DPYD: variants seen among roughly 807,000 people sequenced by gnomAD.
The protein encoded by DPYD is dihydropyrimidine dehydrogenase.
A neutral mutation model predicts 116.2 loss-of-function variants in DPYD; 109 were observed. The ratio of observed to expected loss-of-function variants is 0.94; its 90% CI spans 0.80 to 1.10. The LOEUF is 1.10. DPYD is among the 50% of genes least tolerant of loss of function. DPYD has a pLI of 0.00. For missense variants in DPYD, 1,302 were observed against 1,254.5 expected, an observed-to-expected ratio of 1.04 and a Z score of -0.57; for synonymous variants, 440 against 432.0, an observed-to-expected ratio of 1.02 and a Z score of -0.23.
At position 97,714,963 on chromosome 1, in the gene DPYD, G is replaced by T. The variant is rs185735541; in HGVS notation, c.483+6547C>A. 3.9e-5 allele frequency among the ~76,000 whole-genome samples: 6 copies of T among 152,220 alleles called. No homozygotes were observed. In the East Asian group the frequency reaches 1.2e-3, roughly 29 times the overall value. ...GCCTCTCACTACATGTGAGGTTGTG[G>T]AAGTTAATTAATTTCCTGGAGTTTC... is the stretch of plus-strand genomic sequence containing the variant. On this transcript the variant is annotated intron_variant, in intron 5 of 22. Transcript: ENST00000370192.
chr1:97,215,308 TG>T (rs1660304222), intron 19 of DPYD, among the ~76,000 whole-genome samples: 1 of 152,190 alleles, frequency 6.6e-6, no homozygotes, highest in Non-Finnish European at 1.5e-5. Flanking sequence ...CATTTTCATT[TG>T]GGTTGAAGCA....
chr1:97,382,487 T>C lies in DPYD; in HGVS notation c.1906-26A>G, dbSNP rs1028870955. The C allele has an allele frequency of 4.2e-6, 6 of 1,428,456 alleles. No individual in the cohort carries two copies. The Admixed American group carries it at 5.4e-5, about 13-fold the overall frequency. The allele number at this position is 1,428,456 out of a possible 1,614,324, so 88.5% of individuals were successfully genotyped here. A position where few individuals can be genotyped will look rare whatever the true frequency, so the allele number is the denominator to read the frequency against. ...CTTTAAAAAGAAAAACAAAAGAATA[T>C]AAGTTCAAGTAGTTATCCAGTTGTA... On this transcript the variant is annotated intron_variant, in intron 14 of 22. Transcript: ENST00000370192.
chr1:97,267,721 C>T (rs78757373), intron 18 of DPYD, among the ~76,000 whole-genome samples: 11,547 of 152,062 alleles, frequency 0.076, 999 homozygotes, highest in African/African-American at 0.21. Context: ...TCACCTCACA[C>T]CTCTTATTGC....
chr1:97,750,793 G>A (rs929216640), intron 3 of DPYD, among the ~76,000 whole-genome samples: 13 of 152,172 alleles, frequency 8.5e-5, no homozygotes, highest in African/African-American at 2.9e-4. Flanking sequence ...GATTGAAAGT[G>A]TAGTATTTGT....
At chr1:97,535,048 A>C (rs1199888033) in intron 12 of DPYD, among the ~76,000 whole-genome samples, 2 of 152,098 alleles carry the variant, frequency 1.3e-5, no homozygotes, top group African/African-American at 4.8e-5. Context: ...CAGAGACATA[A>C]GTGAGAAAAC....
chr1:97,165,637 C>A (rs1324034934), intron 20 of DPYD, among the ~76,000 whole-genome samples: 2 of 152,050 alleles, frequency 1.3e-5, no homozygotes, highest in Non-Finnish European at 2.9e-5. Flanking sequence ...AAACAGAAAA[C>A]CTACAGAATG....
At chr1:97,309,366 A>G (rs957581811) in intron 16 of DPYD, among the ~76,000 whole-genome samples, 1 of 115,074 alleles carries the variant, frequency 8.7e-6, no homozygotes, top group Non-Finnish European at 1.9e-5. Context: ...TGTGTGTGTG[A>G]GCATGTTCTT....
Position 97,593,245 on chromosome 1 carries a change from A to G in DPYD, c.1101T>C (p.Phe367=). ...CCTCAGGGACAGCTCTTATATTAAC[A>G]AAGCCTTTTCTGAAGACGATGAACA... ...RRVFIVFRKG[F]VNIRAVPEEM... The change falls in exon 10 of 23, where the codon TTT becomes TTC. Residue 367 remains phenylalanine (F), a synonymous_variant. Transcript: ENST00000370192. The G allele has an allele frequency of 6.2e-7, 1 of 1,614,136 alleles. No homozygotes were observed. The highest frequency in any genetic ancestry group is 8.5e-7 in the Non-Finnish European group (1 of 1,180,028).
intron 20 of DPYD, among the ~76,000 whole-genome samples, chr1:97,118,734 T>C (rs1200615794): frequency 6.6e-6 from 1 of 152,204 alleles, no homozygotes; most frequent in African/African-American, 2.4e-5. Context: ...CCTTTTACTG[T>C]CGACTCAGAA....
At chr1:97,403,143 G>A (rs1458323353) in intron 14 of DPYD, among the ~76,000 whole-genome samples, 1 of 152,016 alleles carries the variant, frequency 6.6e-6, no homozygotes, top group Non-Finnish European at 1.5e-5. Flanking sequence ...AAAGTACAGA[G>A]GCTCCTTGAC....
intron 21 of DPYD, among the ~76,000 whole-genome samples, chr1:97,084,936 A>G (rs1169236172): frequency 6.6e-6 from 1 of 152,208 alleles, no homozygotes; most frequent in Non-Finnish European, 1.5e-5. Context: ...TATAAATTTT[A>G]TATATCTATA....
chr1:97,695,976 A>G (rs930345417), intron 6 of DPYD, among the ~76,000 whole-genome samples: 3 of 151,878 alleles, frequency 2.0e-5, no homozygotes, highest in Non-Finnish European at 4.4e-5. Flanking sequence ...TTAAAAATAC[A>G]AAAATTAGCC....
chr1:97,388,804 A>G (rs149488143), intron 14 of DPYD, among the ~76,000 whole-genome samples: 7 of 152,168 alleles, frequency 4.6e-5, no homozygotes, highest in African/African-American at 1.7e-4. Context: ...TTCTTAATGG[A>G]CTATATTTGA....
chr1:97,321,831 A>G (rs1191301235), intron 16 of DPYD, among the ~76,000 whole-genome samples: 5 of 49,560 alleles, frequency 1.0e-4, no homozygotes, highest in African/African-American at 3.0e-4. Flanking sequence ...CTTGGAACCA[A>G]CCCAAATGTC....
In DPYD at chr1:97,706,054, AT is replaced by A. The variant is rs1052434578; in HGVS notation, c.484-6508del. On this transcript the variant is annotated intron_variant, in intron 5 of 22. Transcript: ENST00000370192. ...CTAAAAAATTCACTATATTTCTCTA[AT>A]TTTTCAATAAGAAATGTATAACTGA... Among the ~76,000 whole-genome samples, 19 of 151,862 alleles carry A rather than the reference AT, an allele frequency of 1.3e-4. No homozygotes were observed. In the East Asian group the frequency reaches 3.7e-3, roughly 30 times the overall value.
At position 97,573,907 on chromosome 1, in the gene DPYD, CTA is replaced by C; in HGVS notation, c.1190_1191del (p.Ile397SerfsTer18). On this transcript the variant is annotated frameshift_variant, in exon 11 of 23. Coordinates refer to ENST00000370192, the MANE Select transcript of DPYD (RefSeq NM_000110.4). LOFTEE classifies it high-confidence loss of function. ...FLPFLSPRKV[I>X]VKGGRIVAMQ... ...ATAGCAACAATTCTCCCACCTTTTACTATAACCTTCCGTGGGGACAGGAATGG... is the reference window on the plus strand; with the variant it reads ...ATAGCAACAATTCTCCCACCTTTTACTAACCTTCCGTGGGGACAGGAATGG... The C allele has an allele frequency of 6.2e-7, 1 of 1,613,722 alleles. No individual in the cohort carries two copies. The highest frequency in any genetic ancestry group is 1.1e-5 in the South Asian group (1 of 91,080).
chr1:97,863,197 G>C (rs1263740937), intron 2 of DPYD, among the ~76,000 whole-genome samples: 1 of 151,828 alleles, frequency 6.6e-6, no homozygotes, highest in Non-Finnish European at 1.5e-5. Flanking sequence ...CACAGATTCA[G>C]AGGTTACCCT....
At chr1:97,282,891 T>C (rs1054385846) in intron 18 of DPYD, among the ~76,000 whole-genome samples, 3 of 152,156 alleles carry the variant, frequency 2.0e-5, no homozygotes, top group African/African-American at 7.2e-5. Context: ...GCAAAGGCCA[T>C]GATTTCACTT....
chr1:97,514,202 T>C, intron 13 of DPYD: 6 of 985,000 alleles, frequency 6.1e-6, no homozygotes, highest in Non-Finnish European at 7.2e-6. Context: ...GTGATCCTAA[T>C]AAAGGCAAGT....
Sources: gnomAD v4.1 joint callset for allele counts (sites outside exome capture counted in the v4.1 genomes callset) on GRCh38, gnomAD v4.1.1 for gene constraint, MANE v1.5 for transcripts, NCBI Gene and HGNC (gene_info 2026-07-23, HGNC 2026-07-21) for gene names.